TLN2: variants seen among roughly 807,000 people sequenced by gnomAD.
TLN2 encodes talin-2.
A neutral mutation model predicts 294.7 loss-of-function variants in TLN2; 118 were observed. The observed-to-expected ratio is 0.40, with a 90% CI of 0.34 to 0.47. The LOEUF is 0.47. TLN2 is among the 20% of genes least tolerant of loss of function. TLN2 has a pLI of 0.84. For missense variants in TLN2, 3,083 were observed against 3,282.2 expected, an observed-to-expected ratio of 0.94 and a Z score of 1.48; for synonymous variants, 1,431 against 1,304.5, an observed-to-expected ratio of 1.10 and a Z score of -2.09.
chr15:62,618,609 C>T (rs776538843), intron 3 of TLN2, among the ~76,000 whole-genome samples, 134 bp downstream of exon 3: 2 of 152,204 alleles, frequency 1.3e-5, no homozygotes, highest in South Asian at 2.1e-4. Context: ...CTCTGTCCAT[C>T]CCCTGGAGGA....
intron 1 of TLN2, among the ~76,000 whole-genome samples, chr15:62,452,228 C>T (rs949261679): frequency 2.0e-5 from 3 of 152,120 alleles, no homozygotes; most frequent in Non-Finnish European, 4.4e-5. Context: ...GGAGGGCTTG[C>T]GAAAAGTCCG....
At chr15:62,746,033 A>C (rs1424335744) in intron 32 of TLN2, among the ~76,000 whole-genome samples, 2 of 152,158 alleles carry the variant, frequency 1.3e-5, no homozygotes, top group African/African-American at 2.4e-5. Context: ...AAAATTTTAC[A>C]TCTACAGAAA....
chr15:62,713,784 G>C (rs1012159218), intron 22 of TLN2, among the ~76,000 whole-genome samples: 1 of 151,918 alleles, frequency 6.6e-6, no homozygotes, highest in African/African-American at 2.4e-5. Flanking sequence ...GAGACACCTC[G>C]TGGGTAGGGG....
intron 42 of TLN2, among the ~76,000 whole-genome samples, chr15:62,774,322 G>A (rs548056605): frequency 2.6e-4 from 40 of 152,238 alleles, no homozygotes; most frequent in Non-Finnish European, 4.9e-4. Context: ...TTTCTCTTGT[G>A]TGGTGCCATG....
At chr15:62,746,226 G>A (rs2061600795) in intron 32 of TLN2, among the ~76,000 whole-genome samples, 1 of 152,186 alleles carries the variant, frequency 6.6e-6, no homozygotes, top group Admixed American at 6.5e-5. Context: ...TGTGATATGT[G>A]GAAATAGCAC....
At chr15:62,425,003 A>G (rs2034624512) in intron 1 of TLN2, among the ~76,000 whole-genome samples, 1 of 135,216 alleles carries the variant, frequency 7.4e-6, no homozygotes, top group South Asian at 2.4e-4. Flanking sequence ...CCCAGGCTGG[A>G]GTGCAGTGGC....
chr15:62,585,718 C>T (rs2045541955), intron 1 of TLN2, among the ~76,000 whole-genome samples: 1 of 152,166 alleles, frequency 6.6e-6, no homozygotes. Context: ...ATAGCAAGCT[C>T]CTGGTCCCTT....
At chr15:62,541,431 T>G (rs1331047212) in intron 1 of TLN2, among the ~76,000 whole-genome samples, 1 of 152,234 alleles carries the variant, frequency 6.6e-6, no homozygotes, top group Non-Finnish European at 1.5e-5. Flanking sequence ...TTGTGGATTT[T>G]GGACAGTTTA....
At chr15:62,739,308 A>C in intron 30 of TLN2, 40 bp from the exon 31 acceptor site, 2 of 1,582,666 alleles carry the variant, frequency 1.3e-6, no homozygotes, top group South Asian at 2.3e-5. Flanking sequence ...TCCCCTGCAA[A>C]GCAGAATGTC....
At chr15:62,689,846 C>T (rs202185595) in intron 12 of TLN2, among the ~76,000 whole-genome samples, 22 of 15,406 alleles carry the variant, frequency 1.4e-3, no homozygotes, top group South Asian at 0.011. Flanking sequence ...GTATGGGCTT[C>T]TTTTTTTTTT....
chr15:62,402,889 T>G (rs937840215), intron 1 of TLN2, among the ~76,000 whole-genome samples: 3 of 152,188 alleles, frequency 2.0e-5, no homozygotes, highest in African/African-American at 7.2e-5. Flanking sequence ...CATCATCAGT[T>G]TCTCACTCTG....
chr15:62,598,218 C>G (rs766773936), intron 2 of TLN2, among the ~76,000 whole-genome samples: 32 of 152,182 alleles, frequency 2.1e-4, no homozygotes, highest in Non-Finnish European at 2.5e-4. Flanking sequence ...TGGGTGACTT[C>G]TGAGACCTTT....
At position 62,686,825 on chromosome 15, in the gene TLN2, A is replaced by G. The variant is rs28624818; in HGVS notation, c.1113+29A>G. 0.012 allele frequency: 19,647 copies of G among 1,610,464 alleles called. 1,242 individuals carry two copies. In the African/African-American group the frequency reaches 0.16, roughly 13 times the overall value. On this transcript the variant is annotated intron_variant, in intron 12 of 58. Transcript: ENST00000636159. ...GGGACTGGCAGAGGGCAAGGAGAGC[A>G]CTAGCGTGGCCTTGAGTGATATTGT...
chr15:62,483,158 G>T (rs1379969815), intron 1 of TLN2, among the ~76,000 whole-genome samples: 2 of 152,190 alleles, frequency 1.3e-5, no homozygotes, highest in African/African-American at 4.8e-5. Flanking sequence ...TAGGCACCAA[G>T]AACTACTCCA....
intron 1 of TLN2, among the ~76,000 whole-genome samples, chr15:62,478,834 A>G (rs943880529): frequency 3.9e-5 from 6 of 152,202 alleles, no homozygotes; most frequent in Admixed American, 2.0e-4. Flanking sequence ...TTAAATTTTC[A>G]TTAGGCTTCT....
At chr15:62,653,399 C>A in intron 7 of TLN2, 85 bp downstream of exon 7, 1 of 1,431,210 alleles carries the variant, frequency 7.0e-7, no homozygotes, top group Non-Finnish European at 9.2e-7. Flanking sequence ...TGACCCAGGA[C>A]AGGACTTTTG....
At chr15:62,722,328 T>G (rs2060198333) in intron 25 of TLN2, 25 bp from the exon 26 acceptor site, 1 of 1,590,090 alleles carries the variant, frequency 6.3e-7, no homozygotes, top group African/African-American at 1.3e-5. Flanking sequence ...AGGAGCCATC[T>G]TACTTTCTTT....
chr15:62,519,454 G>C (rs1225474855), intron 1 of TLN2, among the ~76,000 whole-genome samples: 3 of 152,172 alleles, frequency 2.0e-5, no homozygotes, highest in African/African-American at 7.2e-5. Flanking sequence ...TGTTTCCTGT[G>C]CCTTTTCAAT....
intron 1 of TLN2, among the ~76,000 whole-genome samples, chr15:62,564,075 C>A (rs2043189549): frequency 1.3e-5 from 2 of 152,106 alleles, no homozygotes; most frequent in African/African-American, 2.4e-5. Context: ...TAAAAACTTA[C>A]TGGTGGTGTT....
Sources: allele counts gnomAD v4.1 joint callset (sites outside exome capture counted in the v4.1 genomes callset), GRCh38; gene constraint gnomAD v4.1.1; transcripts MANE v1.5; gene names NCBI Gene and HGNC (gene_info 2026-07-23, HGNC 2026-07-21).